FSIP1: variants seen among roughly 807,000 people sequenced by gnomAD.
FSIP1 encodes the protein fibrous sheath-interacting protein 1.
Under a neutral mutation model 60.9 loss-of-function variants are expected in FSIP1, and 65 were observed. The ratio of observed to expected loss-of-function variants is 1.07; its 90% CI spans 0.87 to 1.31. The LOEUF is 1.31. FSIP1 is among the 40% of genes most tolerant of loss of function. The probability of loss-of-function intolerance (pLI) is 0.00; values close to 1 mark genes in which losing one functional copy is unlikely to be tolerated. For synonymous variants in FSIP1, 209 were observed against 221.2 expected (o/e 0.94, Z 0.49); for missense variants, 675 against 665.5 (o/e 1.01, Z -0.16).
chr15:39,672,188 TGTCAAGATGAAGGC>T (rs768633093), intron 10 of FSIP1, among the ~76,000 whole-genome samples: 2 of 152,222 alleles, frequency 1.3e-5, no homozygotes, highest in African/African-American at 2.4e-5. Context: ...AGCTTCCCTG[TGTCAAGATGAAGGC>T]GTCAAGATGA....
chr15:39,705,568 C>A (rs929754627), intron 10 of FSIP1, among the ~76,000 whole-genome samples: 3 of 152,096 alleles, frequency 2.0e-5, no homozygotes, highest in African/African-American at 7.2e-5. Context: ...AGGTAAGTTA[C>A]AGCACATATT....
intron 11 of FSIP1, among the ~76,000 whole-genome samples, chr15:39,610,545 A>G (rs1278535840): frequency 6.6e-6 from 1 of 152,222 alleles, no homozygotes; most frequent in Non-Finnish European, 1.5e-5. Context: ...GCGTGCCTGC[A>G]GTCTCAGCTA....
intron 10 of FSIP1, among the ~76,000 whole-genome samples, chr15:39,668,203 CAA>C (rs5812129): frequency 1.3e-3 from 171 of 135,144 alleles, no homozygotes; most frequent in Middle Eastern, 3.7e-3. Flanking sequence ...ATTAAATTTC[CAA>C]AAAAAAAAAA....
chr15:39,617,530 G>C (rs946817922), intron 11 of FSIP1, among the ~76,000 whole-genome samples: 1 of 152,136 alleles, frequency 6.6e-6, no homozygotes, highest in African/African-American at 2.4e-5. Context: ...TTACCATCAA[G>C]AATAACGTAT....
intron 9 of FSIP1, among the ~76,000 whole-genome samples, chr15:39,721,030 T>C (rs1023929173): frequency 2.0e-5 from 3 of 152,232 alleles, no homozygotes; most frequent in African/African-American, 7.2e-5. Flanking sequence ...CAAATGCTGC[T>C]TTTAAAACAT....
intron 6 of FSIP1, among the ~76,000 whole-genome samples, chr15:39,740,931 T>C (rs1487264271): frequency 3.3e-5 from 5 of 152,190 alleles, no homozygotes; most frequent in African/African-American, 1.2e-4. Flanking sequence ...TTATAGCTTA[T>C]ATAGGCAAAT....
chr15:39,698,573 C>T (rs927469315), intron 10 of FSIP1, among the ~76,000 whole-genome samples: 3 of 152,240 alleles, frequency 2.0e-5, no homozygotes, highest in Non-Finnish European at 2.9e-5. Flanking sequence ...TTTAGCTCTA[C>T]TTTAATCTGA....
At chr15:39,699,261 G>A (rs1344222558) in intron 10 of FSIP1, among the ~76,000 whole-genome samples, 2 of 152,310 alleles carry the variant, frequency 1.3e-5, no homozygotes, top group East Asian at 3.9e-4. Context: ...ATTTGCAGTT[G>A]TTAATGTGTA....
At chr15:39,628,126 T>C (rs143026731) in intron 10 of FSIP1, among the ~76,000 whole-genome samples, 40 of 152,256 alleles carry the variant, frequency 2.6e-4, no homozygotes, top group African/African-American at 9.1e-4. Context: ...CATGGATTAA[T>C]AGGTGGTTTC....
At chr15:39,721,208 T>C (rs1246917383) in intron 9 of FSIP1, among the ~76,000 whole-genome samples, 2 of 152,324 alleles carry the variant, frequency 1.3e-5, no homozygotes, top group African/African-American at 4.8e-5. Flanking sequence ...CTTAACCACA[T>C]TGACTCAACC....
intron 10 of FSIP1, among the ~76,000 whole-genome samples, chr15:39,645,825 G>A (rs1222319778): frequency 1.3e-5 from 2 of 152,352 alleles, no homozygotes; most frequent in Middle Eastern, 3.4e-3. Flanking sequence ...ATCTCGGAGC[G>A]GGGTTGGGGC....
At chr15:39,622,952 T>C (rs1349859021) in intron 10 of FSIP1, among the ~76,000 whole-genome samples, 1 of 152,136 alleles carries the variant, frequency 6.6e-6, no homozygotes, top group African/African-American at 2.4e-5. Flanking sequence ...GTGTGTACGT[T>C]TTATGCAAAT....
chr15:39,767,024 A>T (rs1566919754), intron 3 of FSIP1, among the ~76,000 whole-genome samples: 1 of 152,080 alleles, frequency 6.6e-6, no homozygotes, highest in African/African-American at 2.4e-5. Flanking sequence ...TTTTAAAAAA[A>T]TTTTTGTAGA....
intron 5 of FSIP1, among the ~76,000 whole-genome samples, chr15:39,753,394 CCT>C (rs1160386645): frequency 4.0e-5 from 6 of 151,852 alleles, no homozygotes; most frequent in African/African-American, 1.2e-4. Flanking sequence ...AACTTCACCC[CCT>C]ATACCATAAC....
intron 6 of FSIP1, among the ~76,000 whole-genome samples, chr15:39,741,138 T>G (rs1387456999): frequency 1.3e-5 from 2 of 152,228 alleles, no homozygotes; most frequent in Non-Finnish European, 2.9e-5. Flanking sequence ...TTCATTCAGT[T>G]GAAGTTTCAT....
intron 2 of FSIP1, 83 bp downstream of exon 2, chr15:39,776,316 T>C (rs1375321902): frequency 2.1e-5 from 28 of 1,321,320 alleles, no homozygotes; most frequent in Non-Finnish European, 2.7e-5. Context: ...AAATTTAAAA[T>C]GGGATGTTAA....
intron 5 of FSIP1, among the ~76,000 whole-genome samples, chr15:39,746,969 C>T (rs1389761961): frequency 1.3e-5 from 2 of 151,572 alleles, no homozygotes; most frequent in Non-Finnish European, 2.9e-5. Flanking sequence ...AGTGATTTTC[C>T]TGTTAGACCC....
At position 39,709,661 on chromosome 15, in the gene FSIP1, AG is replaced by A. The variant is rs560572369; in HGVS notation, c.1188+3782del. ...CCCCAACCCTTTAGGCAATAGGGGG[AG>A]GGGTGGGGGAGGGGTATGGTTTTTG... On this transcript the variant is annotated intron_variant, in intron 10 of 11. Transcript: ENST00000350221. Among the ~76,000 whole-genome samples the A allele has an allele frequency of 3.4e-5, 5 of 146,828 alleles. No individual in the cohort carries two copies. In the South Asian group the frequency reaches 8.7e-4, roughly 26 times the overall value.
chr15:39,654,882 G>A (rs1190353866), intron 10 of FSIP1, among the ~76,000 whole-genome samples: 1 of 152,168 alleles, frequency 6.6e-6, no homozygotes, highest in Non-Finnish European at 1.5e-5. Flanking sequence ...TTTAAAGGGA[G>A]GTTTGTCTGC....
Sources: allele counts gnomAD v4.1 joint callset (sites outside exome capture counted in the v4.1 genomes callset), GRCh38; gene constraint gnomAD v4.1.1; transcripts MANE v1.5; gene names NCBI Gene and HGNC (gene_info 2026-07-23, HGNC 2026-07-21).